Variants in PLCZ1 observed in about 807,000 individuals in gnomAD.
PLCZ1 encodes 1-phosphatidylinositol 4,5-bisphosphate phosphodiesterase zeta-1.
Under a neutral mutation model 76.8 loss-of-function variants are expected in PLCZ1, and 64 were observed. The observed-to-expected ratio is 0.83, with a 90% CI of 0.68 to 1.03. The LOEUF (loss-of-function observed/expected upper bound fraction) is 1.03, where lower values mean the gene tolerates loss of function less well. Among genes scored for constraint, PLCZ1 ranks in the 50% least tolerant of loss-of-function variants. The pLI is 0.00. For synonymous variants in PLCZ1, 248 were observed against 230.8 expected, an observed-to-expected ratio of 1.07 and a Z score of -0.68; for missense variants, 751 against 713.7, an observed-to-expected ratio of 1.05 and a Z score of -0.60.
intron 5 of PLCZ1, among the ~76,000 whole-genome samples, chr12:18,719,122 C>G (rs892493960): frequency 3.9e-5 from 6 of 152,146 alleles, no homozygotes; most frequent in African/African-American, 1.4e-4. Flanking sequence ...GAGTCTTCTT[C>G]ATATGCTTTC....
intron 12 of PLCZ1, 116 bp downstream of exon 12, chr12:18,694,794 A>C (rs12826151): frequency 0.49 from 423,714 of 856,834 alleles, 110,822 homozygotes; most frequent in South Asian, 0.59. Flanking sequence ...GTACCTGAAA[A>C]GATTAACAGA....
intron 5 of PLCZ1, among the ~76,000 whole-genome samples, chr12:18,714,211 A>C (rs1438426916): frequency 6.6e-6 from 1 of 152,164 alleles, no homozygotes; most frequent in African/African-American, 2.4e-5. Context: ...CGTTAAGATA[A>C]TTCTTTAAAT....
chr12:18,667,557 T>C, the PLCZ1 span, among the ~76,000 whole-genome samples: 1 of 152,186 alleles, frequency 6.6e-6, no homozygotes, highest in Non-Finnish European at 1.5e-5. Flanking sequence ...TTTTTTCTTC[T>C]ATTTTTACTT....
chr12:18,693,124 T>C (rs914783424), intron 12 of PLCZ1: 11 of 1,516,720 alleles, frequency 7.3e-6, no homozygotes, highest in Admixed American at 3.3e-5. Context: ...GAAGAGATCA[T>C]TGATGACAAT....
chr12:18,683,560 C>T (rs760701660), intron 14 of PLCZ1: 188 of 1,483,346 alleles, frequency 1.3e-4, no homozygotes, highest in Non-Finnish European at 1.5e-4. Flanking sequence ...TTCCGCAAAG[C>T]GCTGCATGAT....
intron 3 of PLCZ1, among the ~76,000 whole-genome samples, chr12:18,725,305 TAAGA>T (rs921726313): frequency 1.3e-5 from 2 of 151,926 alleles, no homozygotes; most frequent in African/African-American, 4.8e-5. Flanking sequence ...AGAAAAGCAA[TAAGA>T]AAGAAGGTGC....
chr12:18,675,976 T>C, the PLCZ1 span, among the ~76,000 whole-genome samples: 761 of 151,830 alleles, frequency 5.0e-3, 3 homozygotes, highest in African/African-American at 0.017. Context: ...TATAGCCAGG[T>C]AACAAGCCTG....
intron 12 of PLCZ1, chr12:18,693,348 G>T (rs1954434328): frequency 6.3e-7 from 1 of 1,590,314 alleles, no homozygotes; most frequent in Non-Finnish European, 8.6e-7. Flanking sequence ...TGGGGGGTTG[G>T]ACAACCAAAT....
chr12:18,683,076 T>G, downstream of PLCZ1: 1 of 676,660 alleles, frequency 1.5e-6, no homozygotes, highest in Non-Finnish European at 2.5e-6. Context: ...TTTTCTTTTC[T>G]TCCACTGATT....
chr12:18,688,022 C>CATATA, intron 13 of PLCZ1, 67 bp downstream of exon 13: 1 of 1,578,958 alleles, frequency 6.3e-7, no homozygotes, highest in Non-Finnish European at 8.6e-7. Flanking sequence ...ACTCTATCAA[C>CATATA]ATATAATTTG....
At chr12:18,719,289 C>G (rs948606591) in intron 5 of PLCZ1, 142 bp downstream of exon 5, 1 of 447,630 alleles carries the variant, frequency 2.2e-6, no homozygotes, top group East Asian at 3.5e-5. Context: ...AAGATATGTA[C>G]AAGTAAAAAT....
the PLCZ1 span, among the ~76,000 whole-genome samples, chr12:18,670,079 G>T: frequency 6.6e-6 from 1 of 151,986 alleles, no homozygotes. Context: ...CACCCCATTG[G>T]GAGTTAGGGC....
the PLCZ1 span, among the ~76,000 whole-genome samples, chr12:18,669,408 T>G: frequency 6.6e-6 from 1 of 152,226 alleles, no homozygotes; most frequent in African/African-American, 2.4e-5. Flanking sequence ...ATAATTATCC[T>G]CACTTTAAAT....
chr12:18,681,916 A>C (rs1952453438), downstream of PLCZ1, among the ~76,000 whole-genome samples: 1 of 152,068 alleles, frequency 6.6e-6, no homozygotes, highest in Non-Finnish European at 1.5e-5. Flanking sequence ...GGAATTCCAG[A>C]TCTTCAAAAG....
chr12:18,670,997 G>A, the PLCZ1 span, among the ~76,000 whole-genome samples: 3 of 151,962 alleles, frequency 2.0e-5, no homozygotes, highest in African/African-American at 7.2e-5. Flanking sequence ...GGACAACATG[G>A]TGAAACCCTG....
At chr12:18,692,815 A>T in intron 12 of PLCZ1, 1 of 1,541,958 alleles carries the variant, frequency 6.5e-7, no homozygotes, top group South Asian at 1.1e-5. Flanking sequence ...AAGAAGGATG[A>T]CAAGCTCTAA....
intron 4 of PLCZ1, among the ~76,000 whole-genome samples, chr12:18,722,302 C>T (rs1317062118): frequency 1.3e-5 from 2 of 152,044 alleles, no homozygotes; most frequent in Non-Finnish European, 2.9e-5. Flanking sequence ...TTTCCTCCAA[C>T]CCATCAGGAA....
intron 11 of PLCZ1, 92 bp downstream of exon 11, chr12:18,696,058 A>T: frequency 1.4e-6 from 1 of 692,332 alleles, no homozygotes. Context: ...AATCTTTTAC[A>T]GAAAGCCCTT....
At chr12:18,716,682 T>A (rs1408712531) in intron 5 of PLCZ1, among the ~76,000 whole-genome samples, 2 of 152,226 alleles carry the variant, frequency 1.3e-5, no homozygotes, top group African/African-American at 4.8e-5. Context: ...CTTTGTGGTA[T>A]GAAATTTCCA....
Sources: gnomAD v4.1 joint callset for allele counts (sites outside exome capture counted in the v4.1 genomes callset) on GRCh38, gnomAD v4.1.1 for gene constraint, MANE v1.5 for transcripts, NCBI Gene and HGNC (gene_info 2026-07-23, HGNC 2026-07-21) for gene names.